The following HEATR3 variants were observed in gnomAD, a reference collection of about 807,000 sequenced individuals.
HEATR3 encodes the protein HEAT repeat containing 3, also known as HEAT repeat-containing protein 3.
HEATR3 carries 56 observed loss-of-function variants against 72.8 expected under a neutral mutation model. The ratio of observed to expected loss-of-function variants is 0.77; its 90% confidence interval spans 0.62 to 0.96. The LOEUF (loss-of-function observed/expected upper bound fraction) is 0.96, where lower values mean the gene tolerates loss of function less well. Ranked by LOEUF, HEATR3 falls within the 40% of genes least tolerant of loss-of-function variation. The pLI, the probability that HEATR3 is intolerant of heterozygous loss-of-function variation, is 0.00. For synonymous variants in HEATR3, 331 were observed against 318.1 expected (o/e 1.04, Z -0.43); for missense variants, 747 against 831.4 (o/e 0.90, Z 1.25).
intron 11 of HEATR3, among the ~76,000 whole-genome samples, chr16:50,090,175 TGATACCCTGTCTCCTCCAAAAA>T (rs1052044333): frequency 6.6e-6 from 1 of 152,058 alleles, no homozygotes; most frequent in Non-Finnish European, 1.5e-5. Context: ...GGCAACATAG[TGATACCCTGTCTCCTCCAAAAA>T]GGTTTTTTAA....
chr16:50,085,211 T>C (rs2036963294), intron 10 of HEATR3, among the ~76,000 whole-genome samples: 1 of 152,156 alleles, frequency 6.6e-6, no homozygotes, highest in Non-Finnish European at 1.5e-5. Flanking sequence ...TACAGGGGCT[T>C]TCAGGGTCCA....
chr16:50,083,736 G>T (rs1270080087), intron 7 of HEATR3, among the ~76,000 whole-genome samples: 1 of 152,120 alleles, frequency 6.6e-6, no homozygotes, highest in African/African-American at 2.4e-5. Context: ...GTTAACGGGG[G>T]CATGCTCCAC....
intron 6 of HEATR3, among the ~76,000 whole-genome samples, chr16:50,078,020 G>A (rs2036778069): frequency 6.6e-6 from 1 of 151,760 alleles, no homozygotes; most frequent in Non-Finnish European, 1.5e-5. Flanking sequence ...GGGATTACAA[G>A]CGCCCACCAC....
chr16:50,068,867 G>A lies in HEATR3; in HGVS notation c.399G>A (p.Glu133=). The change falls in exon 3 of 15, where the codon GAG becomes GAA. Residue 133 remains glutamate, a splice_region_variant and synonymous_variant. Coordinates refer to ENST00000299192, the MANE Select transcript of HEATR3 (RefSeq NM_182922.4). ...CCCCTCTGGTTGCGCTGCTAAAAGA[G>A]GTATGCAGTTTTTACAGTATCTTGA... The part of the protein sequence containing the change: ...IMTPLVALLK[E]CSAGLDSNEM... The A allele has an allele frequency of 6.2e-7, 1 of 1,611,424 alleles. No homozygotes were observed.
chr16:50,100,799 C>G (rs980355331), intron 13 of HEATR3: 1 of 206,760 alleles, frequency 4.8e-6, no homozygotes, highest in South Asian at 7.9e-5. Context: ...TTAATTAATT[C>G]TAATACCACT....
intron 7 of HEATR3, among the ~76,000 whole-genome samples, chr16:50,082,191 A>G (rs2036881729): frequency 6.6e-6 from 1 of 152,030 alleles, no homozygotes; most frequent in African/African-American, 2.4e-5. Flanking sequence ...AAAAGGCAAA[A>G]AATTAGCCGA....
chr16:50,097,723 T>C (rs2037274401), intron 12 of HEATR3, among the ~76,000 whole-genome samples: 1 of 152,086 alleles, frequency 6.6e-6, no homozygotes, highest in Non-Finnish European at 1.5e-5. Context: ...GAGACCAGCC[T>C]GACCCACATG....
Position 50,104,937 on chromosome 16 carries a change from A to C in HEATR3, c.1921-2A>C. 1 of 1,573,112 alleles carries C rather than the reference A, an allele frequency of 6.4e-7. No homozygotes were observed. The highest frequency in any genetic ancestry group is 8.6e-7 in the Non-Finnish European group (1 of 1,167,034). Reference sequence around the variant, plus strand: ...ATATGATTTTTTGTTTTTTGTTTGCAGATACGTAAAGAAGGGAGAGGTAAC... The same window carrying C: ...ATATGATTTTTTGTTTTTTGTTTGCCGATACGTAAAGAAGGGAGAGGTAAC... On this transcript the variant is annotated splice_acceptor_variant, in intron 14 of 14. Transcript: ENST00000299192. LOFTEE classifies it high-confidence loss of function.
At chr16:50,093,845 G>A (rs1040450131) in intron 11 of HEATR3, among the ~76,000 whole-genome samples, 1 of 152,162 alleles carries the variant, frequency 6.6e-6, no homozygotes, top group Non-Finnish European at 1.5e-5. Flanking sequence ...CATGCGTCAG[G>A]GCTGGAAGTC....
At chr16:50,070,157 A>C in intron 3 of HEATR3, 21 bp from the exon 4 acceptor site, 2 of 1,192,576 alleles carry the variant, frequency 1.7e-6, no homozygotes, top group Non-Finnish European at 2.5e-6. Flanking sequence ...CCAGGGTGCT[A>C]ATCATGATAT....
intron 11 of HEATR3, among the ~76,000 whole-genome samples, chr16:50,092,903 A>G (rs893911094): frequency 9.8e-5 from 15 of 152,346 alleles, no homozygotes; most frequent in Non-Finnish European, 1.8e-4. Flanking sequence ...TATGAAGAAA[A>G]AAGTAAAAGC....
intron 11 of HEATR3, among the ~76,000 whole-genome samples, chr16:50,092,804 A>G (rs944648502): frequency 2.0e-5 from 3 of 152,300 alleles, no homozygotes; most frequent in African/African-American, 7.2e-5. Flanking sequence ...TCTAGATGGT[A>G]GGGATGCAGG....
In HEATR3 at chr16:50,066,465, C is replaced by T. The variant is rs1158567823; in HGVS notation, c.237C>T (p.Asp79=). The T allele has an allele frequency of 1.5e-6, 2 of 1,355,596 alleles. No individual in the cohort carries two copies. Among genetic ancestry groups the T allele is most frequent in the Middle Eastern group, 2.1e-4 (1 of 4,804 alleles). The allele number at this position is 1,355,596 out of a possible 1,614,324, so 84.0% of individuals were successfully genotyped here. ...CACTCCCGGGCCTGGCGCGACGAGACGCCGTGCGCCGCCTCGGGCCGCTGC... is the reference window on the plus strand; with the variant it reads ...CACTCCCGGGCCTGGCGCGACGAGATGCCGTGCGCCGCCTCGGGCCGCTGC... ...RPALPGLARR[D]AVRRLGPLLL... is the part of the protein sequence containing the mutation. Residue 79 remains aspartate (D), a synonymous_variant, in exon 2 of 15, where the codon GAC becomes GAT. Transcript: ENST00000299192.
intron 14 of HEATR3, among the ~76,000 whole-genome samples, chr16:50,104,234 T>C (rs533257641): frequency 6.6e-6 from 1 of 152,128 alleles, no homozygotes; most frequent in South Asian, 2.1e-4. Context: ...CTGCTTGTAG[T>C]CCTAGCTACT....
At position 50,096,551 on chromosome 16, in the gene HEATR3, C is replaced by G. The variant is rs539786657; in HGVS notation, c.1599+1758C>G. 2.6e-5 allele frequency among the ~76,000 whole-genome samples: 4 copies of G among 152,310 alleles called. No individual in the cohort carries two copies. In the East Asian group the frequency reaches 5.8e-4, roughly 22 times the overall value. On this transcript the variant is annotated intron_variant, in intron 12 of 14. Coordinates refer to ENST00000299192, the MANE Select transcript of HEATR3 (RefSeq NM_182922.4). ...CAGTGGCTCACGCCTGTAATCCCAGCACTTTGGGAGGCCAAGGCCAGTGGA... is the reference window on the plus strand; with the variant it reads ...CAGTGGCTCACGCCTGTAATCCCAGGACTTTGGGAGGCCAAGGCCAGTGGA...
rs551441733 is a variant in HEATR3 at position 50,097,931 on chromosome 16, A to G, written c.1600-2299A>G. The stretch of plus-strand genomic sequence containing the variant: ...AGAGTGAAACTCCGTCTCAAAAAAA[A>G]AAAAAAAAAACCCTGGAATTAGTTA... On this transcript the variant is annotated intron_variant, in intron 12 of 14. Transcript: ENST00000299192. Among the ~76,000 whole-genome samples the G allele has an allele frequency of 2.4e-3, 364 of 151,838 alleles. 2 individuals carry two copies. Among genetic ancestry groups the G allele is most frequent in the African/African-American group, 8.2e-3 (339 of 41,292 alleles).
At chr16:50,091,870 T>G (rs2037120149) in intron 11 of HEATR3, among the ~76,000 whole-genome samples, 1 of 137,844 alleles carries the variant, frequency 7.3e-6, no homozygotes. Flanking sequence ...CGAGACTCTG[T>G]CTCAAAAAAA....
At chr16:50,071,739 A>T (rs1214988834) in intron 4 of HEATR3, among the ~76,000 whole-genome samples, 1 of 152,206 alleles carries the variant, frequency 6.6e-6, no homozygotes, top group Non-Finnish European at 1.5e-5. Flanking sequence ...TCATTACATA[A>T]CAGATTTAGT....
chr16:50,083,354 G>GA (rs377224129), intron 7 of HEATR3, among the ~76,000 whole-genome samples: 13 of 150,470 alleles, frequency 8.6e-5, no homozygotes, highest in African/African-American at 2.2e-4. Flanking sequence ...TATTTTCAGA[G>GA]AAAAAAAAAG....
Sources: allele counts gnomAD v4.1 joint callset (sites outside exome capture counted in the v4.1 genomes callset), GRCh38; gene constraint gnomAD v4.1.1; transcripts MANE v1.5; gene names NCBI Gene and HGNC (gene_info 2026-07-23, HGNC 2026-07-21).